Variants in VPS13C observed in about 807,000 individuals in gnomAD.
VPS13C encodes intermembrane lipid transfer protein VPS13C.
VPS13C carries 358 observed loss-of-function variants against 456.8 expected under a neutral mutation model. That is an observed-to-expected ratio of 0.78 (90% confidence interval 0.72 to 0.86). The LOEUF is 0.86. Ranked by LOEUF, VPS13C falls within the 40% of genes least tolerant of loss-of-function variation. VPS13C has a pLI of 0.00. For missense variants in VPS13C, 4,818 were observed against 4,385.4 expected, an observed-to-expected ratio of 1.10 and a Z score of -2.79; for synonymous variants, 1,578 against 1,486.7, an observed-to-expected ratio of 1.06 and a Z score of -1.41.
intron 24 of VPS13C, among the ~76,000 whole-genome samples, chr15:61,975,162 C>T (rs2045667503): frequency 6.6e-6 from 1 of 151,952 alleles, no homozygotes; most frequent in African/African-American, 2.4e-5. Context: ...GCACTAAATG[C>T]CTATATTGGA....
At chr15:62,055,574 A>G (rs2048763025) in intron 1 of VPS13C, among the ~76,000 whole-genome samples, 1 of 151,764 alleles carries the variant, frequency 6.6e-6, no homozygotes, top group Non-Finnish European at 1.5e-5. Context: ...TTTCATTATG[A>G]ACGCCTATAT....
intron 62 of VPS13C, 34 bp from the exon 63 acceptor site, chr15:61,912,038 A>T (rs1000342733): frequency 2.0e-5 from 30 of 1,527,670 alleles, no homozygotes; most frequent in Non-Finnish European, 2.6e-5. Context: ...TTTCCAGTTT[A>T]TTCAATGTCT....
chr15:61,977,025 T>C, intron 24 of VPS13C, 57 bp downstream of exon 24: 1 of 1,220,942 alleles, frequency 8.2e-7, no homozygotes, highest in Non-Finnish European at 1.2e-6. Flanking sequence ...TTCTAGCAAC[T>C]GATGCAGACA....
chr15:61,920,397 C>G, intron 56 of VPS13C, 66 bp from the exon 57 acceptor site: 2 of 1,497,070 alleles, frequency 1.3e-6, no homozygotes, highest in South Asian at 2.9e-5. Flanking sequence ...AAACCTATAC[C>G]ATAATTACAC....
intron 1 of VPS13C, among the ~76,000 whole-genome samples, chr15:62,054,745 A>G (rs75839531): frequency 1.3e-5 from 2 of 152,162 alleles, no homozygotes; most frequent in Admixed American, 1.3e-4. Context: ...TAAAAAAAAA[A>G]AAGAAGAGGA....
At chr15:61,866,375 A>G in intron 81 of VPS13C, 4 of 983,444 alleles carry the variant, frequency 4.1e-6, no homozygotes, top group Non-Finnish European at 4.8e-6. Context: ...GCTTTTTGAC[A>G]GAGAGTTATA....
At chr15:62,046,191 G>A (rs2048396500) in intron 1 of VPS13C, among the ~76,000 whole-genome samples, 1 of 152,092 alleles carries the variant, frequency 6.6e-6, no homozygotes. Context: ...AAAGAATACA[G>A]GCAGTCAGGA....
intron 66 of VPS13C, among the ~76,000 whole-genome samples, chr15:61,896,741 T>G (rs1420789978): frequency 5.9e-4 from 90 of 151,964 alleles, no homozygotes; most frequent in Non-Finnish European, 5.1e-4. Flanking sequence ...GAACTGGGTG[T>G]AGCCCACCAC....
intron 37 of VPS13C, 48 bp downstream of exon 37, chr15:61,958,560 A>C (rs760490268): frequency 9.6e-7 from 1 of 1,045,978 alleles, no homozygotes; most frequent in East Asian, 2.7e-5. Flanking sequence ...ACTAAACCAT[A>C]AATAAATAGA....
rs1035072325 is a variant in VPS13C, at chr15:61,852,790, A to G, written c.*1667T>C. On this transcript the variant is annotated 3_prime_UTR_variant, in exon 85 of 85. Coordinates refer to ENST00000644861, the MANE Select transcript of VPS13C (RefSeq NM_020821.3). ...AGAAAAAAATAATTTTGAAAAAGTA[A>G]TGACAAACAGAGATCAAACATTTAG... 2 of 152,212 alleles carry G rather than the reference A, an allele frequency of 1.3e-5. No individual in the cohort carries two copies. The highest frequency in any genetic ancestry group is 4.8e-5 in the African/African-American group (2 of 41,458). 9.4% of individuals were successfully genotyped at this position (152,212 alleles called of 1,614,324 possible).
chr15:61,901,048 G>T (rs1331731029), intron 66 of VPS13C, among the ~76,000 whole-genome samples: 1 of 151,936 alleles, frequency 6.6e-6, no homozygotes, highest in Admixed American at 6.6e-5. Flanking sequence ...GGGAAAATTG[G>T]CTAGCCATAT....
At chr15:61,885,313 A>G (rs1566968771) in intron 67 of VPS13C, among the ~76,000 whole-genome samples, 1 of 152,152 alleles carries the variant, frequency 6.6e-6, no homozygotes, top group Non-Finnish European at 1.5e-5. Flanking sequence ...ATTATGCAAC[A>G]AAAACTAATT....
In VPS13C at chr15:61,897,110, A is replaced by G. The variant is rs548084807; in HGVS notation, c.9106-6710T>C. ...ACCAAAAACCCATCTGTACATCACCATCATCAAAGACCAAAAGTAGATAAA... is the reference window on the plus strand; with the variant it reads ...ACCAAAAACCCATCTGTACATCACCGTCATCAAAGACCAAAAGTAGATAAA... On this transcript the variant is annotated intron_variant, in intron 66 of 84. Transcript: ENST00000644861. 1.7e-3 allele frequency among the ~76,000 whole-genome samples: 261 copies of G among 151,412 alleles called. 1 individual carries two copies. The highest frequency in any genetic ancestry group is 6.0e-3 in the African/African-American group (246 of 40,880).
At position 61,969,185 on chromosome 15, in the gene VPS13C, C is replaced by T. The variant is rs943431706; in HGVS notation, c.2911+114G>A. ...TAAATGAGTTATTACTTGTAAAGTG[C>T]TTACAACAGTGTAGCTATTATTTAT... is the stretch of plus-strand genomic sequence containing the variant. On this transcript the variant is annotated intron_variant, in intron 28 of 84. Transcript: ENST00000644861. 7.9e-6 allele frequency: 6 copies of T among 756,638 alleles called. No individual in the cohort carries two copies. The Middle Eastern group carries it at 1.6e-3, about 204-fold the overall frequency. 46.9% of individuals were successfully genotyped at this position (756,638 alleles called of 1,614,324 possible).
intron 27 of VPS13C, 116 bp downstream of exon 27, chr15:61,972,509 C>G (rs1438005988): frequency 9.4e-7 from 1 of 1,060,666 alleles, no homozygotes; most frequent in Non-Finnish European, 1.4e-6. Flanking sequence ...TGTTGGGCAG[C>G]AGGAAAGACA....
intron 15 of VPS13C, 32 bp downstream of exon 15, chr15:62,007,273 AAAT>A: frequency 7.2e-7 from 1 of 1,389,092 alleles, no homozygotes. Context: ...ATGATTAGAC[AAAT>A]AATAGCTCTC....
At chr15:61,939,083 T>A (rs1401174604) in intron 47 of VPS13C, among the ~76,000 whole-genome samples, 2 of 152,232 alleles carry the variant, frequency 1.3e-5, no homozygotes, top group Non-Finnish European at 2.9e-5. Flanking sequence ...CTTTACAACA[T>A]CCATTATATG....
intron 9 of VPS13C, among the ~76,000 whole-genome samples, chr15:62,017,535 A>C (rs563910485): frequency 4.5e-3 from 685 of 152,258 alleles, no homozygotes; most frequent in Non-Finnish European, 8.3e-3. Flanking sequence ...CCATTTGTTA[A>C]ATAGGGAATC....
chr15:61,930,155 T>C (rs1450725653), intron 50 of VPS13C, among the ~76,000 whole-genome samples: 1 of 152,190 alleles, frequency 6.6e-6, no homozygotes, highest in East Asian at 1.9e-4. Context: ...AAAACCTCCC[T>C]GAAGGAATTT....
Sources: allele counts gnomAD v4.1 joint callset (sites outside exome capture counted in the v4.1 genomes callset), GRCh38; gene constraint gnomAD v4.1.1; transcripts MANE v1.5; gene names NCBI Gene and HGNC (gene_info 2026-07-23, HGNC 2026-07-21).